The following ZNF678 variants were observed in gnomAD, a reference collection of about 807,000 sequenced individuals.
The protein encoded by ZNF678 is hypothetical protein MGC42493.
Under a neutral mutation model 3.0 loss-of-function variants are expected in ZNF678, and 5 were observed. That is an observed-to-expected ratio of 1.69 (90% CI 0.88 to 3.56). The LOEUF is 3.56. ZNF678 is among the 30% of genes most tolerant of loss of function. The pLI is 0.00. For missense variants in ZNF678, 593 were observed against 605.0 expected (o/e 0.98, Z 0.21); for synonymous variants, 218 against 199.6 (o/e 1.09, Z -0.78).
chr1:227,673,342 G>A (rs1030137652), intron 5 of ZNF678, among the ~76,000 whole-genome samples: 11 of 152,160 alleles, frequency 7.2e-5, no homozygotes, highest in African/African-American at 1.9e-4. Flanking sequence ...CTTAGATGAC[G>A]TTTCTGCTAG....
intron 2 of ZNF678, among the ~76,000 whole-genome samples, chr1:227,650,741 GT>G (rs577603683): frequency 3.9e-4 from 60 of 151,990 alleles, no homozygotes; most frequent in Admixed American, 1.4e-3. Context: ...CCGTAAATGA[GT>G]TTTTTTTATT....
intron 1 of ZNF678, among the ~76,000 whole-genome samples, chr1:227,575,010 T>C (rs1013149560): frequency 3.7e-4 from 56 of 152,122 alleles, no homozygotes; most frequent in African/African-American, 1.3e-3. Context: ...GTGGCACCCA[T>C]TGCTTATTTT....
At chr1:227,647,586 A>G (rs1658990007) in intron 2 of ZNF678, among the ~76,000 whole-genome samples, 1 of 152,234 alleles carries the variant, frequency 6.6e-6, no homozygotes, top group Non-Finnish European at 1.5e-5. Context: ...TTAGAGGCCC[A>G]AATGTCAAGG....
intron 5 of ZNF678, among the ~76,000 whole-genome samples, chr1:227,669,592 T>C (rs1261402865): frequency 4.7e-5 from 7 of 149,322 alleles, no homozygotes; most frequent in African/African-American, 1.7e-4. Context: ...GAGCTTGTAG[T>C]GAGCTGAAAT....
At chr1:227,625,957 G>A (rs1658402288) in intron 1 of ZNF678, among the ~76,000 whole-genome samples, 1 of 152,096 alleles carries the variant, frequency 6.6e-6, no homozygotes, top group Non-Finnish European at 1.5e-5. Flanking sequence ...GTAGTTGTGG[G>A]GCATATGGGT....
intron 1 of ZNF678, among the ~76,000 whole-genome samples, chr1:227,629,614 A>G (rs1261251512): frequency 6.6e-6 from 1 of 152,210 alleles, no homozygotes; most frequent in African/African-American, 2.4e-5. Context: ...CAGGCCTTCA[A>G]TGGTTAAGCA....
At chr1:227,644,668 T>C (rs1658911494) in intron 1 of ZNF678, among the ~76,000 whole-genome samples, 1 of 152,156 alleles carries the variant, frequency 6.6e-6, no homozygotes, top group Non-Finnish European at 1.5e-5. Flanking sequence ...ACCTACAGAA[T>C]CACATTACTT....
At chr1:227,644,926 T>G (rs1412701546) in intron 1 of ZNF678, among the ~76,000 whole-genome samples, 1 of 152,148 alleles carries the variant, frequency 6.6e-6, no homozygotes, top group Non-Finnish European at 1.5e-5. Flanking sequence ...CTTAGATACA[T>G]TTGTGAGAGT....
Position 227,638,501 on chromosome 1 carries a change from C to G in ZNF678, c.-163-8043C>G, listed in dbSNP as rs1439277994. The stretch of plus-strand genomic sequence containing the variant: ...TGGGATACTGCTTCTGTGATAGAAA[C>G]TGGGTGGGCTCTTTAAGGGTAATGC... On this transcript the variant is annotated intron_variant, in intron 1 of 3. Transcript: ENST00000343776. The surrounding 1 kb of genome is among the most constrained non-coding windows in gnomAD (Gnocchi z 4.2). Among the ~76,000 whole-genome samples the G allele has an allele frequency of 6.6e-6, 1 of 152,146 alleles. No homozygotes were observed. Among genetic ancestry groups the G allele is most frequent in the Non-Finnish European group, 1.5e-5 (1 of 68,030 alleles).
At chr1:227,605,308 A>G (rs943216927) in intron 1 of ZNF678, among the ~76,000 whole-genome samples, 1 of 152,242 alleles carries the variant, frequency 6.6e-6, no homozygotes, top group Non-Finnish European at 1.5e-5. Flanking sequence ...AGTCTGCAAC[A>G]TTGCTAAACT....
intron 1 of ZNF678, among the ~76,000 whole-genome samples, chr1:227,605,010 C>T (rs1372087116): frequency 6.6e-6 from 1 of 152,042 alleles, no homozygotes; most frequent in African/African-American, 2.4e-5. Flanking sequence ...GGCCCACCAC[C>T]ACGCCCAACT....
At chr1:227,662,532 CA>C (rs2102816066), downstream of ZNF678, 1 of 152,284 alleles carries the variant, frequency 6.6e-6, no homozygotes, top group African/African-American at 2.4e-5. Context: ...CTGGCAAAGA[CA>C]AATGCTGGGA....
intron 1 of ZNF678, among the ~76,000 whole-genome samples, chr1:227,609,543 G>A: frequency 6.6e-6 from 1 of 152,106 alleles, no homozygotes; most frequent in Non-Finnish European, 1.5e-5. Flanking sequence ...AAAATACGTA[G>A]ATACTTCATA....
intron 1 of ZNF678, among the ~76,000 whole-genome samples, chr1:227,611,223 T>A (rs767907648): frequency 1.3e-5 from 2 of 152,178 alleles, no homozygotes; most frequent in Non-Finnish European, 2.9e-5. Flanking sequence ...TGTGGCATTA[T>A]GTGGGTGGTG....
chr1:227,595,607 C>T (rs1009091792), intron 1 of ZNF678, among the ~76,000 whole-genome samples: 5 of 152,054 alleles, frequency 3.3e-5, no homozygotes, highest in Admixed American at 6.6e-5. Context: ...CATGCTTCTT[C>T]GAGACAAAAC....
chr1:227,633,707 A>G (rs1658607616), intron 1 of ZNF678, among the ~76,000 whole-genome samples: 1 of 152,222 alleles, frequency 6.6e-6, no homozygotes, highest in Admixed American at 6.5e-5. Context: ...TTCTGATCCC[A>G]TTAGTCAGAA....
At chr1:227,580,887 G>A (rs1342163408) in intron 1 of ZNF678, among the ~76,000 whole-genome samples, 3 of 150,378 alleles carry the variant, frequency 2.0e-5, no homozygotes, top group Admixed American at 1.3e-4. Context: ...CTGAGATCCC[G>A]CCTTTGCACT....
intron 1 of ZNF678, among the ~76,000 whole-genome samples, chr1:227,628,261 G>A (rs1221262112): frequency 6.6e-6 from 1 of 152,166 alleles, no homozygotes; most frequent in African/African-American, 2.4e-5. Flanking sequence ...CTGGTCCCTC[G>A]GACCTGTGTA....
chr1:227,665,319 A>G (rs541854381), downstream of ZNF678, among the ~76,000 whole-genome samples: 1 of 152,350 alleles, frequency 6.6e-6, no homozygotes, highest in South Asian at 2.1e-4. Context: ...CATTCCAGTG[A>G]CTTTCCATTA....
Sources: gnomAD v4.1 joint callset for allele counts (sites outside exome capture counted in the v4.1 genomes callset) on GRCh38, gnomAD v4.1.1 for gene constraint, Gnocchi (gnomAD v3.1) non-coding constraint, MANE v1.5 for transcripts, NCBI Gene and HGNC (gene_info 2026-07-23, HGNC 2026-07-21) for gene names.